ADGRB3: variants seen among roughly 807,000 people sequenced by gnomAD.
The protein encoded by ADGRB3 is adhesion G protein-coupled receptor B3, also known as brain-specific angiogenesis inhibitor 3.
Under a neutral mutation model 193.4 loss-of-function variants are expected in ADGRB3, and 37 were observed. The ratio of observed to expected loss-of-function variants is 0.19; its 90% CI spans 0.15 to 0.25. The LOEUF is 0.25. Among genes scored for constraint, ADGRB3 ranks in the 10% least tolerant of loss-of-function variants. The probability of loss-of-function intolerance (pLI) is 1.00; values close to 1 mark genes in which losing one functional copy is unlikely to be tolerated. For missense variants in ADGRB3, 1,637 were observed against 1,852.9 expected (o/e 0.88, Z 2.14); for synonymous variants, 690 against 644.2 (o/e 1.07, Z -1.08).
At chr6:68,978,864 A>G (rs1418242921) in intron 10 of ADGRB3, among the ~76,000 whole-genome samples, 1 of 151,428 alleles carries the variant, frequency 6.6e-6, no homozygotes, top group Non-Finnish European at 1.5e-5. Flanking sequence ...AATCTACTGT[A>G]GAAAAATATT....
At chr6:69,213,143 A>G (rs1382614213) in intron 17 of ADGRB3, among the ~76,000 whole-genome samples, 3 of 152,166 alleles carry the variant, frequency 2.0e-5, no homozygotes, top group Admixed American at 1.3e-4. Flanking sequence ...CACATGAACA[A>G]ATTCAAGTAC....
At chr6:69,101,433 C>CGTGTGTGTGTGTGTGTGTGTGTGTGTGT (rs59471051) in intron 17 of ADGRB3, among the ~76,000 whole-genome samples, 1 of 145,286 alleles carries the variant, frequency 6.9e-6, no homozygotes, top group Non-Finnish European at 1.5e-5. Context: ...CAGTAAGTAT[C>CGTGTGTGTGTGTGTGTGTGTGTGTGTGT]GTGTGTGTGT....
chr6:69,384,416 AC>A (rs1466145692), intron 31 of ADGRB3, among the ~76,000 whole-genome samples: 2 of 152,094 alleles, frequency 1.3e-5, no homozygotes, highest in African/African-American at 4.8e-5. Flanking sequence ...AGACCTAAAC[AC>A]ATTACCTACT....
intron 20 of ADGRB3, among the ~76,000 whole-genome samples, chr6:69,274,178 A>C (rs888757405): frequency 1.2e-4 from 18 of 152,222 alleles, no homozygotes; most frequent in Admixed American, 7.2e-4. Context: ...TTACACTTTA[A>C]AATTTCTGAG....
intron 13 of ADGRB3, among the ~76,000 whole-genome samples, chr6:69,038,193 C>G (rs1344796337): frequency 2.6e-5 from 4 of 152,044 alleles, no homozygotes; most frequent in African/African-American, 9.7e-5. Context: ...GATTTGCTGT[C>G]TTGGGAAGCC....
intron 30 of ADGRB3, among the ~76,000 whole-genome samples, chr6:69,376,929 A>G (rs9446111): frequency 0.011 from 1,618 of 152,220 alleles, 22 homozygotes; most frequent in African/African-American, 0.037. Flanking sequence ...AAAATATGCA[A>G]CTAATTTTTG....
At chr6:69,353,813 C>T (rs1336259652) in intron 26 of ADGRB3, among the ~76,000 whole-genome samples, 1 of 152,146 alleles carries the variant, frequency 6.6e-6, no homozygotes, top group Non-Finnish European at 1.5e-5. Flanking sequence ...CCTGTAATCC[C>T]AGCACTTTGA....
intron 3 of ADGRB3, among the ~76,000 whole-genome samples, chr6:68,854,902 A>G (rs1764936132): frequency 6.6e-6 from 1 of 152,110 alleles, no homozygotes; most frequent in Non-Finnish European, 1.5e-5. Flanking sequence ...CTGGCCAAAG[A>G]TATTCATGGA....
intron 3 of ADGRB3, among the ~76,000 whole-genome samples, chr6:68,806,757 G>A (rs1428709963): frequency 2.6e-5 from 4 of 151,858 alleles, no homozygotes; most frequent in Non-Finnish European, 5.9e-5. Flanking sequence ...ATATACAGTA[G>A]AGTTATCTGC....
At chr6:68,930,000 G>C (rs1020524804) in intron 3 of ADGRB3, among the ~76,000 whole-genome samples, 11 of 149,580 alleles carry the variant, frequency 7.4e-5, no homozygotes, top group Non-Finnish European at 1.5e-4. Flanking sequence ...GAAATAATGA[G>C]AATGAACAAT....
At chr6:68,712,538 C>T (rs769076038) in intron 3 of ADGRB3, among the ~76,000 whole-genome samples, 57 of 151,340 alleles carry the variant, frequency 3.8e-4, no homozygotes, top group Non-Finnish European at 2.8e-4. Flanking sequence ...TGAGTAAAGT[C>T]AGAGGGTATG....
At chr6:68,780,647 ACTT>A (rs1225101144) in intron 3 of ADGRB3, among the ~76,000 whole-genome samples, 1 of 152,116 alleles carries the variant, frequency 6.6e-6, no homozygotes, top group African/African-American at 2.4e-5. Context: ...TTGTACTTCA[ACTT>A]CTTAATAGAT....
chr6:68,741,982 T>A (rs1177779141), intron 3 of ADGRB3, among the ~76,000 whole-genome samples: 1 of 152,226 alleles, frequency 6.6e-6, no homozygotes, highest in Non-Finnish European at 1.5e-5. Context: ...GAACACAAGT[T>A]TCTGTGTTAA....
Position 69,162,931 on chromosome 6 carries a change from C to T in ADGRB3, c.2481-70359C>T, listed in dbSNP as rs560046163. 2.4e-4 allele frequency among the ~76,000 whole-genome samples: 36 copies of T among 152,094 alleles called. No individual in the cohort carries two copies. In the South Asian group the frequency reaches 6.4e-3, roughly 27 times the overall value. On this transcript the variant is annotated intron_variant, in intron 17 of 31. Transcript: ENST00000370598. The stretch of plus-strand genomic sequence containing the variant: ...ACCCCATCACCATTCCCACACAGAC[C>T]GTGGGAGCTGATGACATCTAGTTTC...
chr6:69,121,505 C>T (rs1252925872), intron 17 of ADGRB3, among the ~76,000 whole-genome samples: 4 of 152,184 alleles, frequency 2.6e-5, no homozygotes, highest in Admixed American at 2.0e-4. Flanking sequence ...GGCCCGTTCT[C>T]GATGGTCGCT....
intron 3 of ADGRB3, among the ~76,000 whole-genome samples, chr6:68,646,903 T>G (rs977381470): frequency 6.6e-6 from 1 of 152,202 alleles, no homozygotes; most frequent in African/African-American, 2.4e-5. Context: ...TATTTACTGA[T>G]TAGGAATCTA....
chr6:69,089,830 C>T (rs1227384410), intron 17 of ADGRB3, among the ~76,000 whole-genome samples: 1 of 152,142 alleles, frequency 6.6e-6, no homozygotes, highest in African/African-American at 2.4e-5. Context: ...ATGCCAGTAA[C>T]TCTCCTGACC....
rs186429158 is a variant in ADGRB3, at chr6:69,333,792, A to T, written c.3188+784A>T. Among the ~76,000 whole-genome samples the T allele has an allele frequency of 1.6e-3, 248 of 150,792 alleles. 2 individuals are homozygous for T. Among genetic ancestry groups the T allele is most frequent in the African/African-American group, 5.6e-3 (230 of 41,228 alleles). On this transcript the variant is annotated intron_variant, in intron 24 of 31. Coordinates refer to ENST00000370598, the MANE Select transcript of ADGRB3 (RefSeq NM_001704.3). ...AAAATGCAAAAAAATTAGCCGGGCGAGGTGGTGGGCGCCTGTAGTCCCAGC... is the reference window on the plus strand; with the variant it reads ...AAAATGCAAAAAAATTAGCCGGGCGTGGTGGTGGGCGCCTGTAGTCCCAGC...
chr6:68,787,876 G>A (rs1767009266), intron 3 of ADGRB3, among the ~76,000 whole-genome samples: 1 of 152,176 alleles, frequency 6.6e-6, no homozygotes. Context: ...TCCTGGTTTA[G>A]TCTTGGGAGG....
Sources: allele counts gnomAD v4.1 joint callset (sites outside exome capture counted in the v4.1 genomes callset), GRCh38; gene constraint gnomAD v4.1.1; transcripts MANE v1.5; gene names NCBI Gene and HGNC (gene_info 2026-07-23, HGNC 2026-07-21).